PCP4L1: variants seen among roughly 807,000 people sequenced by gnomAD.
PCP4L1 encodes Purkinje cell protein 4 like 1.
PCP4L1 carries 9 observed loss-of-function variants against 9.6 expected under a neutral mutation model. The observed-to-expected ratio is 0.94, with a 90% CI of 0.57 to 1.64. The LOEUF (loss-of-function observed/expected upper bound fraction) is 1.64, where lower values mean the gene tolerates loss of function less well. Ranked by LOEUF, PCP4L1 falls within the 40% of genes most tolerant of loss-of-function variation. The pLI is 0.00. For missense variants in PCP4L1, 81 were observed against 80.8 expected (o/e 1.00, Z -0.01); for synonymous variants, 31 against 28.2 (o/e 1.10, Z -0.31).
At chr1:161,278,856 C>T (rs1027371683) in intron 1 of PCP4L1, among the ~76,000 whole-genome samples, 1 of 151,962 alleles carries the variant, frequency 6.6e-6, no homozygotes, top group Non-Finnish European at 1.5e-5. Context: ...AATCTCAGCT[C>T]ACTGCAACCT....
At chr1:161,264,313 T>C (rs1365011196) in intron 1 of PCP4L1, among the ~76,000 whole-genome samples, 1 of 151,462 alleles carries the variant, frequency 6.6e-6, no homozygotes, top group East Asian at 2.0e-4. Context: ...GGTCAGGAGT[T>C]CGAGACCAGC....
chr1:161,284,387 T>C lies in PCP4L1; in HGVS notation c.113T>C (p.Ile38Thr), dbSNP rs757124400. 1.3e-5 allele frequency: 21 copies of C among 1,613,926 alleles called. No individual in the cohort carries two copies. In the East Asian group the frequency reaches 4.5e-4, roughly 34 times the overall value. Residue 38 changes from isoleucine to threonine, a missense_variant, in exon 3 of 3, where the codon ATT (isoleucine) becomes ACT (threonine). Transcript: ENST00000504449. ...GCGGAGGAGGAGGAGGAGATTGACA[T>C]TGATCTGACAGCACCAGAAACAGAG... ...KKAEEEEEID[I>T]DLTAPETEKA... is the part of the protein sequence containing the mutation.
chr1:161,283,647 A>T (rs1485939633), intron 1 of PCP4L1, 21 bp from the exon 2 acceptor site: 1 of 1,573,684 alleles, frequency 6.4e-7, no homozygotes, highest in Non-Finnish European at 8.6e-7. Context: ...TAATATTCTG[A>T]TATCCTAATA....
intron 1 of PCP4L1, among the ~76,000 whole-genome samples, chr1:161,276,916 C>A (rs1669709940): frequency 6.6e-6 from 1 of 151,930 alleles, no homozygotes; most frequent in African/African-American, 2.4e-5. Flanking sequence ...TTATTATTTT[C>A]TTTCCCCCTA....
At chr1:161,271,735 C>A (rs1297930689) in intron 1 of PCP4L1, among the ~76,000 whole-genome samples, 1 of 152,182 alleles carries the variant, frequency 6.6e-6, no homozygotes, top group African/African-American at 2.4e-5. Flanking sequence ...AATGCCTGAC[C>A]TCATGATCTG....
At chr1:161,282,183 G>A (rs555523996) in intron 1 of PCP4L1, among the ~76,000 whole-genome samples, 2 of 152,070 alleles carry the variant, frequency 1.3e-5, no homozygotes, top group South Asian at 4.1e-4. Context: ...TTAGGAGCTG[G>A]AGACCAGCCC....
chr1:161,269,187 A>G (rs991641029), intron 1 of PCP4L1, among the ~76,000 whole-genome samples: 3 of 152,206 alleles, frequency 2.0e-5, no homozygotes, highest in African/African-American at 7.2e-5. Flanking sequence ...TGTAGCCTAG[A>G]CATAAACAAA....
At chr1:161,282,117 G>A (rs527358362) in intron 1 of PCP4L1, among the ~76,000 whole-genome samples, 2 of 152,248 alleles carry the variant, frequency 1.3e-5, no homozygotes, top group South Asian at 4.1e-4. Flanking sequence ...GAGTGAACAA[G>A]ACTCCGTCTG....
At chr1:161,279,282 G>A (rs1669755361) in intron 1 of PCP4L1, among the ~76,000 whole-genome samples, 1 of 152,126 alleles carries the variant, frequency 6.6e-6, no homozygotes, top group Non-Finnish European at 1.5e-5. Flanking sequence ...TTTCTTTCAT[G>A]GCATTTGTCA....
rs1333759411 is a variant in PCP4L1 at position 161,270,011 on chromosome 1, T to A, written c.9+11028T>A. ...AAGACCTTGTCTCAAAAAAAAAAAA[T>A]AAGGACTGGGCGTGGTGGCTCACGC... On this transcript the variant is annotated intron_variant, in intron 1 of 2. Coordinates refer to ENST00000504449, the MANE Select transcript of PCP4L1 (RefSeq NM_001102566.2). 9.4e-5 allele frequency among the ~76,000 whole-genome samples: 10 copies of A among 106,388 alleles called. No individual in the cohort carries two copies. In the East Asian group the frequency reaches 1.6e-3, roughly 17 times the overall value. The allele number at this position is 106,388 out of a possible 152,430, so 69.8% of individuals were successfully genotyped here.
At chr1:161,269,598 G>C (rs1425747096) in intron 1 of PCP4L1, among the ~76,000 whole-genome samples, 1 of 152,212 alleles carries the variant, frequency 6.6e-6, no homozygotes, top group East Asian at 1.9e-4. Context: ...GCAGGGATAA[G>C]AGAACCATAT....
intron 1 of PCP4L1, among the ~76,000 whole-genome samples, chr1:161,259,936 C>T (rs2102228897): frequency 6.6e-6 from 1 of 152,302 alleles, no homozygotes; most frequent in East Asian, 1.9e-4. Context: ...AAGTACAAAA[C>T]CTTTGTTTCA....
chr1:161,281,336 C>T (rs1280819016), intron 1 of PCP4L1, among the ~76,000 whole-genome samples: 10 of 152,032 alleles, frequency 6.6e-5, no homozygotes, highest in South Asian at 2.1e-4. Context: ...CATCATGGCC[C>T]GTTCTCAATG....
intron 1 of PCP4L1, among the ~76,000 whole-genome samples, chr1:161,274,101 T>C (rs1198130874): frequency 6.6e-6 from 1 of 152,208 alleles, no homozygotes; most frequent in East Asian, 1.9e-4. Context: ...AGGGCTGTTA[T>C]AATCATTCAA....
chr1:161,271,792 G>A (rs1244905896), intron 1 of PCP4L1, among the ~76,000 whole-genome samples: 3 of 151,608 alleles, frequency 2.0e-5, no homozygotes, highest in Non-Finnish European at 4.4e-5. Flanking sequence ...GTGAGCCACT[G>A]TGCCTGATCT....
At chr1:161,261,561 TGA>T (rs1669417245) in intron 1 of PCP4L1, among the ~76,000 whole-genome samples, 1 of 152,248 alleles carries the variant, frequency 6.6e-6, no homozygotes, top group Admixed American at 6.5e-5. Context: ...AGGATGGGAA[TGA>T]GAGATGTGTT....
chr1:161,266,200 G>A (rs1283521323), intron 1 of PCP4L1, among the ~76,000 whole-genome samples: 2 of 152,120 alleles, frequency 1.3e-5, no homozygotes, highest in African/African-American at 2.4e-5. Context: ...GGGAAAAGGG[G>A]TACATTTATC....
chr1:161,265,382 T>C lies in PCP4L1; in HGVS notation c.9+6399T>C, dbSNP rs576591540. ...CCCGTCTTTACAAAAAATAAAAAAT[T>C]AGCCAGATATGGTGGTGTGCATCTG... On this transcript the variant is annotated intron_variant, in intron 1 of 2. Transcript: ENST00000504449. 2.0e-5 allele frequency among the ~76,000 whole-genome samples: 3 copies of C among 152,120 alleles called. No individual in the cohort carries two copies. The South Asian group carries it at 6.2e-4, about 32-fold the overall frequency.
intron 1 of PCP4L1, among the ~76,000 whole-genome samples, chr1:161,265,078 G>C (rs574899242): frequency 1.3e-4 from 20 of 152,298 alleles, no homozygotes; most frequent in Admixed American, 3.9e-4. Flanking sequence ...CTCTTTTCAT[G>C]AGTTCTTAAT....
Sources: gnomAD v4.1 joint callset for allele counts (sites outside exome capture counted in the v4.1 genomes callset) on GRCh38, gnomAD v4.1.1 for gene constraint, MANE v1.5 for transcripts, NCBI Gene and HGNC (gene_info 2026-07-23, HGNC 2026-07-21) for gene names.